The following DARS1 variants were observed in gnomAD, a reference collection of about 807,000 sequenced individuals.
The protein encoded by DARS1 is aspartyl-tRNA synthetase 1, also known as aspartate--tRNA ligase, cytoplasmic.
A neutral mutation model predicts 68.8 loss-of-function variants in DARS1; 51 were observed. The ratio of observed to expected loss-of-function variants is 0.74; its 90% CI spans 0.59 to 0.94. The LOEUF (loss-of-function observed/expected upper bound fraction) is 0.94, where lower values mean the gene tolerates loss of function less well. DARS1 is among the 40% of genes least tolerant of loss of function. The pLI is 0.00. For missense variants in DARS1, 607 were observed against 597.3 expected, an observed-to-expected ratio of 1.02 and a Z score of -0.17; for synonymous variants, 203 against 190.4, an observed-to-expected ratio of 1.07 and a Z score of -0.55.
In DARS1 at chr2:135,961,491, C is replaced by T. The variant is rs1575402625; in HGVS notation, c.225G>A (p.Gln75=). ...GCTGCTGACGTAGGACTAAGAAGCA[C>T]TGTTTCCCTGAAAAAGACAGAAAGA... ...RVHTSRAKGK[Q]CFLVLRQQQF... The change falls in exon 4 of 16, where the codon CAG becomes CAA. Residue 75 remains glutamine, a synonymous_variant. Coordinates refer to ENST00000264161, the MANE Select transcript of DARS1 (RefSeq NM_001349.4). 23 of 1,425,258 alleles carry T rather than the reference C, an allele frequency of 1.6e-5. No homozygotes were observed. Among genetic ancestry groups the T allele is most frequent in the Non-Finnish European group, 2.3e-5 (23 of 1,007,226 alleles). 88.3% of individuals were successfully genotyped at this position (1,425,258 alleles called of 1,614,324 possible).
At chr2:135,953,855 T>C (rs1681902677) in intron 4 of DARS1, among the ~76,000 whole-genome samples, 1 of 152,006 alleles carries the variant, frequency 6.6e-6, no homozygotes, top group South Asian at 2.1e-4. Flanking sequence ...CACTCAAACA[T>C]AAAAATATTT....
At chr2:135,974,274 C>T (rs1176005868) in intron 3 of DARS1, among the ~76,000 whole-genome samples, 1 of 152,166 alleles carries the variant, frequency 6.6e-6, no homozygotes, top group Non-Finnish European at 1.5e-5. Context: ...CTGAGAATGA[C>T]CACAAAAGTG....
At chr2:135,960,627 G>C (rs1315623776) in intron 4 of DARS1, among the ~76,000 whole-genome samples, 1 of 151,672 alleles carries the variant, frequency 6.6e-6, no homozygotes, top group African/African-American at 2.4e-5. Flanking sequence ...AAAACACAAA[G>C]ACCATCCATT....
chr2:135,924,183 G>A (rs995473760), intron 8 of DARS1, among the ~76,000 whole-genome samples: 6 of 152,138 alleles, frequency 3.9e-5, no homozygotes, highest in Non-Finnish European at 7.4e-5. Flanking sequence ...ATCACAAAAG[G>A]ACTCCTGGAA....
At chr2:135,935,703 A>G (rs1206208908) in intron 5 of DARS1, among the ~76,000 whole-genome samples, 3 of 152,222 alleles carry the variant, frequency 2.0e-5, no homozygotes, top group Non-Finnish European at 4.4e-5. Context: ...ACTGAACTAG[A>G]GTTTTTTGCT....
chr2:135,919,458 T>A (rs915406043), intron 10 of DARS1, among the ~76,000 whole-genome samples: 2 of 152,218 alleles, frequency 1.3e-5, no homozygotes, highest in Admixed American at 1.3e-4. Flanking sequence ...GAATTGCTGG[T>A]CTTCAAATAA....
In DARS1 at chr2:135,956,921, AC is replaced by A. The variant is rs138948378; in HGVS notation, c.320+4474del. On this transcript the variant is annotated intron_variant, in intron 4 of 15. Coordinates refer to ENST00000264161, the MANE Select transcript of DARS1 (RefSeq NM_001349.4). ...TGGGATTAGAGGCGCCTACCACCAC[AC>A]CTGGCTATTTTTTTTTATTTTTAGT... 8.6e-3 allele frequency among the ~76,000 whole-genome samples: 1,301 copies of A among 150,562 alleles called. 15 individuals are homozygous for A. The highest frequency in any genetic ancestry group is 0.028 in the African/African-American group (1,149 of 40,946).
rs774181345 is a variant in DARS1 at position 135,924,368 on chromosome 2, G to T, written c.676+19C>A. On this transcript the variant is annotated intron_variant, in intron 8 of 15. Transcript: ENST00000264161. ...GCAAATTTATTTTTAAAAATTAAGAGAAATATTTTGAAGCATACCTGAAAT... is the reference window on the plus strand; with the variant it reads ...GCAAATTTATTTTTAAAAATTAAGATAAATATTTTGAAGCATACCTGAAAT... 2 of 1,569,558 alleles carry T rather than the reference G, an allele frequency of 1.3e-6. No homozygotes were observed. Among genetic ancestry groups the T allele is most frequent in the Admixed American group, 2.1e-5 (1 of 47,112 alleles).
At chr2:135,959,217 C>G (rs1682043759) in intron 4 of DARS1, among the ~76,000 whole-genome samples, 1 of 151,390 alleles carries the variant, frequency 6.6e-6, no homozygotes, top group Non-Finnish European at 1.5e-5. Context: ...CATGGAGAAA[C>G]CTCGTCTCTA....
intron 4 of DARS1, among the ~76,000 whole-genome samples, chr2:135,947,223 T>C (rs574470020): frequency 1.4e-4 from 21 of 152,034 alleles, no homozygotes; most frequent in African/African-American, 4.1e-4. Context: ...GTGGCCAACA[T>C]GGTGAAACCC....
chr2:135,907,261 T>TTTTTTTTTTTTTTTTTTTTTGG lies in DARS1; in HGVS notation c.*54_*55insCCAAAAAAAAAAAAAAAAAAAA. On this transcript the variant is annotated 3_prime_UTR_variant, in exon 16 of 16. Transcript: ENST00000264161. ...GGCTTTCTTTTTTTTTTTTTTTTTT[T>TTTTTTTTTTTTTTTTTTTTTGG]GAGGCAGGGTCTCGCTCTGTCATCC... The TTTTTTTTTTTTTTTTTTTTTGG allele has an allele frequency of 1.1e-6, 1 of 889,240 alleles. No homozygotes were observed. 55.1% of individuals were successfully genotyped at this position (889,240 alleles called of 1,614,324 possible). A position where few individuals can be genotyped will look rare whatever the true frequency, so the allele number is the denominator to read the frequency against.
At chr2:135,947,054 T>C (rs999805835) in intron 4 of DARS1, among the ~76,000 whole-genome samples, 28 of 148,190 alleles carry the variant, frequency 1.9e-4, no homozygotes, top group Admixed American at 1.4e-3. Flanking sequence ...AGTGGTGGGA[T>C]TACAGGCGTG....
At position 135,914,550 on chromosome 2, in the gene DARS1, T is replaced by C; in HGVS notation, c.1107-39A>G. The C allele has an allele frequency of 1.8e-6, 2 of 1,096,100 alleles. 1 individual carries two copies. The highest frequency in any genetic ancestry group is 2.8e-6 in the Non-Finnish European group (2 of 707,354). 67.9% of individuals were successfully genotyped at this position (1,096,100 alleles called of 1,614,324 possible). On this transcript the variant is annotated intron_variant, in intron 11 of 15. Transcript: ENST00000264161. Reference sequence around the variant, plus strand: ...GTGAAATCAGTGTTTGAAGATCAAATGGCAACTTAAAAACATTAATAAGGA... The same window carrying C: ...GTGAAATCAGTGTTTGAAGATCAAACGGCAACTTAAAAACATTAATAAGGA...
At chr2:135,948,258 T>C (rs920190785) in intron 4 of DARS1, among the ~76,000 whole-genome samples, 2 of 152,226 alleles carry the variant, frequency 1.3e-5, no homozygotes, top group African/African-American at 2.4e-5. Flanking sequence ...AACAGTATAA[T>C]GGCCTTGCCT....
intron 12 of DARS1, among the ~76,000 whole-genome samples, chr2:135,912,980 C>A (rs1020915905): frequency 6.6e-6 from 1 of 151,932 alleles, no homozygotes; most frequent in African/African-American, 2.4e-5. Flanking sequence ...CCTACCTTGG[C>A]CTCCCAAAGT....
At position 135,962,906 on chromosome 2, in the gene DARS1, G is replaced by C. The variant is rs1423075816; in HGVS notation, c.218-1408C>G. Reference sequence around the variant, plus strand: ...CCCACTTAGAAAAGTATGTTACTGTGAAATGGAAGGTAATGTGCACACGAC... The same window carrying C: ...CCCACTTAGAAAAGTATGTTACTGTCAAATGGAAGGTAATGTGCACACGAC... On this transcript the variant is annotated intron_variant, in intron 3 of 15. Coordinates refer to ENST00000264161, the MANE Select transcript of DARS1 (RefSeq NM_001349.4). Among the ~76,000 whole-genome samples the C allele has an allele frequency of 2.6e-5, 4 of 152,196 alleles. 1 individual carries two copies. The South Asian group carries it at 8.3e-4, about 32-fold the overall frequency.
At chr2:135,963,101 C>T (rs934501319) in intron 3 of DARS1, among the ~76,000 whole-genome samples, 1 of 152,112 alleles carries the variant, frequency 6.6e-6, no homozygotes, top group Non-Finnish European at 1.5e-5. Flanking sequence ...AAAGGGTGAG[C>T]ACAGGATAAG....
chr2:135,916,201 TAA>T, intron 11 of DARS1, 23 bp downstream of exon 11: 10 of 1,418,768 alleles, frequency 7.0e-6, no homozygotes, highest in African/African-American at 1.4e-5. Flanking sequence ...GAACTTAAAG[TAA>T]AAAAAAAGCC....
At chr2:135,957,332 A>G (rs1259937810) in intron 4 of DARS1, among the ~76,000 whole-genome samples, 1 of 151,408 alleles carries the variant, frequency 6.6e-6, no homozygotes, top group Non-Finnish European at 1.5e-5. Flanking sequence ...GGTTCAACCG[A>G]TTCTCCTGCC....
Sources: gnomAD v4.1 joint callset for allele counts (sites outside exome capture counted in the v4.1 genomes callset) on GRCh38, gnomAD v4.1.1 for gene constraint, MANE v1.5 for transcripts, NCBI Gene and HGNC (gene_info 2026-07-23, HGNC 2026-07-21) for gene names.